The following CACNA1I variants were observed in gnomAD, a reference collection of about 807,000 sequenced individuals.
The protein encoded by CACNA1I is voltage-dependent T-type calcium channel subunit alpha-1I.
A neutral mutation model predicts 201.6 loss-of-function variants in CACNA1I; 74 were observed. The ratio of observed to expected loss-of-function variants is 0.37; its 90% CI spans 0.30 to 0.45. The LOEUF is 0.45. Ranked by LOEUF, CACNA1I falls within the 20% of genes least tolerant of loss-of-function variation. The pLI is 1.00. For synonymous variants in CACNA1I, 1,431 were observed against 1,345.2 expected (o/e 1.06, Z -1.40); for missense variants, 2,346 against 3,138.1 (o/e 0.75, Z 6.03).
chr22:39,603,502 TTCTTGTTTTATGGATGCCTGC>T (rs1299807330), intron 3 of CACNA1I, among the ~76,000 whole-genome samples: 149 of 152,198 alleles, frequency 9.8e-4, no homozygotes, highest in Admixed American at 1.6e-3. Context: ...CTTGTGCCTG[TTCTTGTTTTATGGATGCCTGC>T]TCTTGTTTTA....
At chr22:39,589,825 G>A (rs537826526) in intron 1 of CACNA1I, among the ~76,000 whole-genome samples, 155 of 152,268 alleles carry the variant, frequency 1.0e-3, no homozygotes, top group African/African-American at 3.4e-3. Context: ...CTACCTCCCC[G>A]ATCCAGGAGG....
chr22:39,688,150 T>G lies in CACNA1I; in HGVS notation c.*1745T>G, dbSNP rs1935941218. On this transcript the variant is annotated 3_prime_UTR_variant, in exon 37 of 37. Coordinates refer to ENST00000402142, the MANE Select transcript of CACNA1I (RefSeq NM_021096.4). The surrounding 1 kb of genome is among the most constrained non-coding windows in gnomAD (Gnocchi z 4.8). ...CAAGCCCACCCGGGAAACTGAGCCC[T>G]GGAGAGGGGAAGCAGCCAGCCCAGG... 6.6e-6 allele frequency: 1 copy of G among 152,132 alleles called. No individual in the cohort carries two copies. The highest frequency in any genetic ancestry group is 2.1e-4 in the South Asian group (1 of 4,824). The allele number at this position is 152,132 out of a possible 1,614,324, so 9.4% of individuals were successfully genotyped here.
chr22:39,620,012 T>TCC (rs1555905399), intron 4 of CACNA1I, among the ~76,000 whole-genome samples: 124 of 92,912 alleles, frequency 1.3e-3, no homozygotes, highest in African/African-American at 4.9e-3. Context: ...TCCACCTGTC[T>TCC]ATCCATCCAT....
chr22:39,581,030 C>G (rs1052811884), intron 1 of CACNA1I, among the ~76,000 whole-genome samples: 9 of 151,550 alleles, frequency 5.9e-5, no homozygotes, highest in Admixed American at 4.6e-4. Context: ...ATGGAGGAGG[C>G]AGAGCCACAC....
chr22:39,659,339 C>G lies in CACNA1I; in HGVS notation c.2331-94C>G. ...ACCAACGCTGCCCCGCCTCCCCCTG[C>G]CCTGCATTTTACTGAGTTGACTGAG... On this transcript the variant is annotated intron_variant, in intron 12 of 36. Transcript: ENST00000402142. This position sits in a 1 kb window ranked among gnomAD's most constrained non-coding sequence, Gnocchi z 4.3. 1 of 1,005,684 alleles carries G rather than the reference C, an allele frequency of 9.9e-7. No homozygotes were observed. Among genetic ancestry groups the G allele is most frequent in the Non-Finnish European group, 1.5e-6 (1 of 658,608 alleles). The allele number at this position is 1,005,684 out of a possible 1,614,324, so 62.3% of individuals were successfully genotyped here. A position where few individuals can be genotyped will look rare whatever the true frequency, so the allele number is the denominator to read the frequency against.
At position 39,686,222 on chromosome 22, in the gene CACNA1I, C is replaced by A; in HGVS notation, c.6489C>A (p.Gly2163=). The part of the protein sequence containing the change: ...FSSTSSLAAP[G]RPHAAALAHG... ...GCACCAGCAGCCTGGCCGCCCCCGG[C>A]CGCCCCCACGCCGCCGCCCTGGCCC... The change falls in exon 37 of 37, where the codon GGC becomes GGA. Residue 2163 remains glycine (G), a synonymous_variant. Transcript: ENST00000402142. 8.0e-7 allele frequency: 1 copy of A among 1,246,468 alleles called. No homozygotes were observed. 77.2% of individuals were successfully genotyped at this position (1,246,468 alleles called of 1,614,324 possible).
intron 8 of CACNA1I, 78 bp from the exon 9 acceptor site, chr22:39,647,744 G>T: frequency 9.9e-7 from 1 of 1,010,418 alleles, no homozygotes. Flanking sequence ...GGAAGGGGCT[G>T]CCCTGTTGGT....
intron 4 of CACNA1I, 139 bp from the exon 5 acceptor site, chr22:39,634,426 T>C (rs1934151301): frequency 1.2e-6 from 1 of 810,768 alleles, no homozygotes; most frequent in East Asian, 2.4e-5. Flanking sequence ...TGGCAGCCAC[T>C]GAACAGGATG....
chr22:39,605,791 G>A (rs1048067687), intron 3 of CACNA1I, among the ~76,000 whole-genome samples: 1 of 152,100 alleles, frequency 6.6e-6, no homozygotes, highest in African/African-American at 2.4e-5. Context: ...GAGAGCTGGG[G>A]GAAAGGGAGT....
chr22:39,644,018 AG>A (rs1406562350), intron 7 of CACNA1I, among the ~76,000 whole-genome samples: 1 of 152,158 alleles, frequency 6.6e-6, no homozygotes, highest in African/African-American at 2.4e-5. Flanking sequence ...AGCCCAGAGA[AG>A]GCTCCCGATC....
chr22:39,651,034 A>G (rs986881417), intron 10 of CACNA1I, among the ~76,000 whole-genome samples: 5 of 151,898 alleles, frequency 3.3e-5, no homozygotes, highest in Non-Finnish European at 5.9e-5. Context: ...GAAAAACACC[A>G]TTTTCTGGCT....
chr22:39,604,869 G>A (rs1933165198), intron 3 of CACNA1I, among the ~76,000 whole-genome samples: 1 of 151,912 alleles, frequency 6.6e-6, no homozygotes, highest in Non-Finnish European at 1.5e-5. Flanking sequence ...GAGCCACCAC[G>A]CTCAGCTGAC....
Position 39,684,780 on chromosome 22 carries a change from G to T in CACNA1I, c.6027+282G>T, listed in dbSNP as rs933851422. 3 of 590,816 alleles carry T rather than the reference G, an allele frequency of 5.1e-6. No homozygotes were observed. Among genetic ancestry groups the T allele is most frequent in the African/African-American group, 3.7e-5 (2 of 53,738 alleles). 36.6% of individuals were successfully genotyped at this position (590,816 alleles called of 1,614,324 possible). On this transcript the variant is annotated intron_variant, in intron 36 of 36. Transcript: ENST00000402142. The surrounding 1 kb of genome is among the most constrained non-coding windows in gnomAD (Gnocchi z 4.6). Reference sequence around the variant, plus strand: ...GCCTGTGATCCCTAGCTTGAGGGGAGGGGAGGAGAGGAGGAGGAGTACTGG... The same window carrying T: ...GCCTGTGATCCCTAGCTTGAGGGGATGGGAGGAGAGGAGGAGGAGTACTGG...
intron 2 of CACNA1I, 54 bp from the exon 3 acceptor site, chr22:39,600,466 G>A: frequency 6.6e-7 from 1 of 1,510,002 alleles, no homozygotes; most frequent in Non-Finnish European, 9.2e-7. Flanking sequence ...CAACCCCTGG[G>A]CCCTGCTCTG....
At chr22:39,576,012 T>C (rs1351825061) in intron 1 of CACNA1I, among the ~76,000 whole-genome samples, 1 of 152,140 alleles carries the variant, frequency 6.6e-6, no homozygotes, top group Non-Finnish European at 1.5e-5. Flanking sequence ...TGACCTCAAG[T>C]GATCTGCCCG....
chr22:39,619,403 G>A lies in CACNA1I; in HGVS notation c.576G>A (p.Val192=), dbSNP rs1353898818. The A allele has an allele frequency of 6.2e-7, 1 of 1,606,128 alleles. No homozygotes were observed. The highest frequency in any genetic ancestry group is 2.2e-5 in the East Asian group (1 of 44,872). Residue 192 remains valine, a synonymous_variant, in exon 4 of 37, where the codon GTG becomes GTA. Transcript: ENST00000402142. Reference sequence around the variant, plus strand: ...GGCCCCTCAAAGCCATCAACCGCGTGCCCAGTGAGTCAGCCCCGCCCTGTC... The same window carrying A: ...GGCCCCTCAAAGCCATCAACCGCGTACCCAGTGAGTCAGCCCCGCCCTGTC... ...VLRPLKAINR[V]PSMRILVNLL... is the part of the protein sequence containing the mutation.
At chr22:39,599,742 G>A (rs1046068380) in intron 2 of CACNA1I, among the ~76,000 whole-genome samples, 5 of 151,998 alleles carry the variant, frequency 3.3e-5, no homozygotes, top group African/African-American at 1.2e-4. Context: ...GCAGCCCCGG[G>A]CCCCAGGCCT....
Position 39,665,401 on chromosome 22 carries a change from C to T in CACNA1I, c.3852-97C>T, listed in dbSNP as rs953030358. On this transcript the variant is annotated intron_variant, in intron 21 of 36. Transcript: ENST00000402142. This position sits in a 1 kb window ranked among gnomAD's most constrained non-coding sequence, Gnocchi z 5.5. ...CCCTGGTGAGCCCTGGGGACTCATG[C>T]CCTGGGATACTCAGCCCTGGTGACT... The T allele has an allele frequency of 3.4e-6, 5 of 1,456,278 alleles. No homozygotes were observed. The highest frequency in any genetic ancestry group is 2.1e-4 in the Middle Eastern group (1 of 4,844). The allele number at this position is 1,456,278 out of a possible 1,614,324, so 90.2% of individuals were successfully genotyped here.
At position 39,649,690 on chromosome 22, in the gene CACNA1I, A is replaced by G; in HGVS notation, c.1757A>G (p.Glu586Gly). ...GSGSGSSAGG[E>G]DEADGDGARS... ...GGCTCCGGGAGCTCCGCTGGTGGCG[A>G]GGACGAGGCGGATGGGGACGGGGCC... Residue 586 changes from glutamate (E) to glycine (G), a missense_variant, in exon 10 of 37, where the codon GAG becomes GGG. Coordinates refer to ENST00000402142, the MANE Select transcript of CACNA1I (RefSeq NM_021096.4). This position sits in a 1 kb window ranked among gnomAD's most constrained non-coding sequence, Gnocchi z 7.3. The G allele has an allele frequency of 6.6e-7, 1 of 1,515,832 alleles. No individual in the cohort carries two copies. Among genetic ancestry groups the G allele is most frequent in the Non-Finnish European group, 8.9e-7 (1 of 1,128,348 alleles). The allele number at this position is 1,515,832 out of a possible 1,614,324, so 93.9% of individuals were successfully genotyped here. A position where few individuals can be genotyped will look rare whatever the true frequency, so the allele number is the denominator to read the frequency against.
Sources: allele counts gnomAD v4.1 joint callset (sites outside exome capture counted in the v4.1 genomes callset), GRCh38; gene constraint gnomAD v4.1.1; non-coding constraint Gnocchi (gnomAD v3.1); transcripts MANE v1.5; gene names NCBI Gene and HGNC (gene_info 2026-07-23, HGNC 2026-07-21).